Variants in ZNF248 observed in about 807,000 individuals in gnomAD.
ZNF248 encodes KRAB protein domain.
ZNF248 carries 20 observed loss-of-function variants against 44.3 expected under a neutral mutation model. The observed-to-expected ratio is 0.45, with a 90% CI of 0.32 to 0.66. The LOEUF (loss-of-function observed/expected upper bound fraction) is 0.66, where lower values mean the gene tolerates loss of function less well. Among genes scored for constraint, ZNF248 ranks in the 30% least tolerant of loss-of-function variants. ZNF248 has a pLI of 0.04. For synonymous variants in ZNF248, 224 were observed against 229.0 expected, an observed-to-expected ratio of 0.98 and a Z score of 0.20; for missense variants, 654 against 677.0, an observed-to-expected ratio of 0.97 and a Z score of 0.38.
rs764780330 is a variant in ZNF248 at position 37,832,848 on chromosome 10, A to G, written c.507T>C (p.Asn169=). 6.2e-7 allele frequency: 1 copy of G among 1,613,858 alleles called. No homozygotes were observed. Among genetic ancestry groups the G allele is most frequent in the East Asian group, 2.2e-5 (1 of 44,858 alleles). Residue 169 remains asparagine (N), a synonymous_variant, in exon 6 of 6, where the codon AAT becomes AAC. Coordinates refer to ENST00000395867, the MANE Select transcript of ZNF248 (RefSeq NM_021045.3). The part of the protein sequence containing the change: ...NCSRKKPDEF[N]VCEKLLLDIR... ...TATCAAGGAGCAATTTCTCACATAC[A>G]TTAAACTCATCAGGCTTCTTTCTGG...
chr10:37,838,565 T>C (rs2057697759), intron 3 of ZNF248, among the ~76,000 whole-genome samples: 1 of 152,178 alleles, frequency 6.6e-6, no homozygotes, highest in African/African-American at 2.4e-5. Context: ...GCTCAGCACA[T>C]ATTGATTCAA....
At chr10:37,822,213 GGT>G (rs1303767374) in intron 6 of ZNF248, among the ~76,000 whole-genome samples, 3 of 152,286 alleles carry the variant, frequency 2.0e-5, no homozygotes, top group East Asian at 3.9e-4. Context: ...CAAAGGACAT[GGT>G]CTGGAGCGGT....
At chr10:37,762,181 A>G in the ZNF248 span, among the ~76,000 whole-genome samples, 1 of 152,170 alleles carries the variant, frequency 6.6e-6, no homozygotes, top group Non-Finnish European at 1.5e-5. Context: ...TAAGTGGGGG[A>G]TAACTGTTGA....
At chr10:37,782,482 G>T (rs370518599) in intron 6 of ZNF248, among the ~76,000 whole-genome samples, 17 of 152,230 alleles carry the variant, frequency 1.1e-4, no homozygotes, top group African/African-American at 3.4e-4. Flanking sequence ...AGGGCAGGTT[G>T]TTGTGGGTCG....
intron 3 of ZNF248, 127 bp downstream of exon 3, chr10:37,856,169 T>A: frequency 1.9e-6 from 2 of 1,077,054 alleles, no homozygotes; most frequent in Non-Finnish European, 2.7e-6. Flanking sequence ...GATTTGCTAC[T>A]TCAGTTTTAT....
At position 37,851,232 on chromosome 10, in the gene ZNF248, C is replaced by A. The variant is rs539481277; in HGVS notation, c.15+5064G>T. On this transcript the variant is annotated intron_variant, in intron 3 of 5. Transcript: ENST00000395867. ...TGTCTCTATCTGCCTAAAAGCAGGA[C>A]ATGGATTTACGAAGACAAAAGGTAT... Among the ~76,000 whole-genome samples, 10 of 152,256 alleles carry A rather than the reference C, an allele frequency of 6.6e-5. No individual in the cohort carries two copies. The East Asian group carries it at 1.9e-3, about 29-fold the overall frequency.
intron 6 of ZNF248, among the ~76,000 whole-genome samples, chr10:37,777,406 T>A (rs1236155540): frequency 6.6e-6 from 1 of 152,162 alleles, no homozygotes; most frequent in South Asian, 2.1e-4. Flanking sequence ...TCCTTTCTGA[T>A]TTCCTCCCTG....
At chr10:37,809,152 T>C (rs957651127) in intron 6 of ZNF248, among the ~76,000 whole-genome samples, 6 of 152,226 alleles carry the variant, frequency 3.9e-5, no homozygotes, top group Non-Finnish European at 5.9e-5. Context: ...AATTTTGTTG[T>C]TGATCTTTTC....
the ZNF248 span, among the ~76,000 whole-genome samples, chr10:37,762,382 C>A: frequency 5.3e-5 from 8 of 152,254 alleles, no homozygotes; most frequent in Non-Finnish European, 8.8e-5. Context: ...AACTAAAGAA[C>A]TTATGTTCAA....
intron 6 of ZNF248, among the ~76,000 whole-genome samples, chr10:37,805,612 T>A (rs12265979): frequency 0.22 from 32,928 of 152,132 alleles, 3,703 homozygotes; most frequent in East Asian, 0.29. Context: ...AAATCGCTGT[T>A]CGCTCAAATA....
chr10:37,800,118 A>G (rs2049632680), intron 6 of ZNF248, among the ~76,000 whole-genome samples: 1 of 152,172 alleles, frequency 6.6e-6, no homozygotes, highest in South Asian at 2.1e-4. Flanking sequence ...TGAAAATTTA[A>G]AAAACTTTTA....
chr10:37,848,131 C>G (rs1201331884), intron 3 of ZNF248, among the ~76,000 whole-genome samples: 1 of 151,982 alleles, frequency 6.6e-6, no homozygotes, highest in Non-Finnish European at 1.5e-5. Flanking sequence ...AAATTAGCTG[C>G]CCATAGTGGC....
intron 6 of ZNF248, among the ~76,000 whole-genome samples, chr10:37,807,215 C>T (rs2050711716): frequency 6.6e-6 from 1 of 151,944 alleles, no homozygotes; most frequent in Non-Finnish European, 1.5e-5. Context: ...AACCATTTAC[C>T]CATATTTTTG....
At chr10:37,854,502 C>T (rs968877064) in intron 3 of ZNF248, among the ~76,000 whole-genome samples, 15 of 152,174 alleles carry the variant, frequency 9.9e-5, no homozygotes, top group Admixed American at 3.3e-4. Flanking sequence ...TGAAGAAAAT[C>T]GCAGATGCAA....
At chr10:37,785,179 C>T (rs1215626908) in intron 6 of ZNF248, among the ~76,000 whole-genome samples, 1 of 152,152 alleles carries the variant, frequency 6.6e-6, no homozygotes, top group East Asian at 1.9e-4. Context: ...TAACATAACA[C>T]TGTGTGGGGT....
chr10:37,782,923 T>G (rs752053302), intron 6 of ZNF248, among the ~76,000 whole-genome samples: 2 of 152,112 alleles, frequency 1.3e-5, no homozygotes, highest in Non-Finnish European at 1.5e-5. Context: ...TTAGGTACTT[T>G]GTGATGGCAG....
chr10:37,843,389 C>T (rs2058699557), intron 3 of ZNF248, among the ~76,000 whole-genome samples: 1 of 148,894 alleles, frequency 6.7e-6, no homozygotes, highest in Non-Finnish European at 1.5e-5. Flanking sequence ...TGCACCGCTG[C>T]ACTCCAGCCT....
At chr10:37,836,885 ACATAGTGAGTGCT>A (rs2057321714) in intron 5 of ZNF248, among the ~76,000 whole-genome samples, 1 of 152,130 alleles carries the variant, frequency 6.6e-6, no homozygotes, top group East Asian at 1.9e-4. Flanking sequence ...AACATAACAG[ACATAGTGAGTGCT>A]CATCATATGT....
chr10:37,820,359 T>A, intron 6 of ZNF248: 2 of 1,427,540 alleles, frequency 1.4e-6, no homozygotes, highest in Non-Finnish European at 2.0e-6. Context: ...TGCCAGCTGC[T>A]CTGGGTCAAG....
Sources: allele counts gnomAD v4.1 joint callset (sites outside exome capture counted in the v4.1 genomes callset), GRCh38; gene constraint gnomAD v4.1.1; transcripts MANE v1.5; gene names NCBI Gene and HGNC (gene_info 2026-07-23, HGNC 2026-07-21).